The following RIPPLY1 variants were observed in gnomAD, a reference collection of about 807,000 sequenced individuals.
RIPPLY1 encodes ripply transcriptional repressor 1.
A neutral mutation model predicts 8.7 loss-of-function variants in RIPPLY1; 10 were observed. That is an observed-to-expected ratio of 1.15 (90% CI 0.71 to 1.94). RIPPLY1 has a LOEUF of 1.94. RIPPLY1 is among the 30% of genes most tolerant of loss of function. RIPPLY1 has a pLI of 0.00. For missense variants in RIPPLY1, 118 were observed against 108.7 expected (o/e 1.09, Z -0.38); for synonymous variants, 54 against 44.8 (o/e 1.20, Z -0.82).
chrX:106,901,594 C>T, intron 2 of RIPPLY1, 56 bp from the exon 3 acceptor site: 1 of 1,115,861 alleles, frequency 9.0e-7, no homozygotes, highest in East Asian at 3.0e-5. Context: ...ATAACTTCCT[C>T]CTCTGTACTA....
rs745389241 is a variant in RIPPLY1 at position 106,901,455 on chromosome X, C to T, written c.296+19G>A. The T allele has an allele frequency of 3.3e-6, 4 of 1,205,373 alleles. No individual in the cohort carries two copies. In the East Asian group the frequency reaches 1.2e-4, roughly 36 times the overall value. ...TAATGGATCTATGTCAAGTTTGGAG[C>T]TTCATGCCAGAAGCTTACCTGACAG... On this transcript the variant is annotated intron_variant, in intron 3 of 3. Transcript: ENST00000276173.
chrX:106,901,565 G>A (rs1933095134), intron 2 of RIPPLY1, 27 bp from the exon 3 acceptor site: 4 of 1,199,324 alleles, frequency 3.3e-6, no homozygotes, highest in South Asian at 1.8e-5. Flanking sequence ...CTAGCATGTG[G>A]CTCAAAGTAC....
Position 106,900,912 on chromosome X carries a change from T to C in RIPPLY1, c.297-4A>G. 2 of 1,207,263 alleles carry C rather than the reference T, an allele frequency of 1.7e-6. No homozygotes were observed. Among genetic ancestry groups the C allele is most frequent in the South Asian group, 3.6e-5 (2 of 55,873 alleles). On this transcript the variant is annotated splice_region_variant and splice_polypyrimidine_tract_variant and intron_variant, in intron 3 of 3. Transcript: ENST00000276173. ...GCGGGATTTAGGCCAGAAGAGCCTG[T>C]GGACAGAGAAGAAACATGGCCCCTA...
Position 106,902,197 on chromosome X carries a change from C to A in RIPPLY1, c.174G>T (p.Arg58Ser). Residue 58 changes from arginine to serine, a missense_variant, in exon 2 of 4, where the codon AGG (arginine) becomes AGT (serine). By Grantham distance (110) the Arg-to-Ser change is moderately radical (BLOSUM62 -1). Coordinates refer to ENST00000276173, the MANE Select transcript of RIPPLY1 (RefSeq NM_138382.3). Reference sequence around the variant, plus strand: ...AGTCATTTGTGGAAGACAGCCAGGGCCTCCAGAGACAAGTTCCTCTGGGAC... The same window carrying A: ...AGTCATTTGTGGAAGACAGCCAGGGACTCCAGAGACAAGTTCCTCTGGGAC... ...NGSERGTCLW[R>S]PWLSSTNDSP... is the part of the protein sequence containing the mutation. 1.7e-6 allele frequency: 2 copies of A among 1,184,480 alleles called. No individual in the cohort carries two copies. Among genetic ancestry groups the A allele is most frequent in the Non-Finnish European group, 2.3e-6 (2 of 880,980 alleles).
intron 2 of RIPPLY1, 71 bp downstream of exon 2, chrX:106,902,069 T>C (rs1482199805): frequency 1.1e-6 from 1 of 930,150 alleles, no homozygotes; most frequent in East Asian, 3.4e-5. Flanking sequence ...AGGGGCTCTC[T>C]GGGAAGTGAC....
intron 1 of RIPPLY1, among the ~76,000 whole-genome samples, 161 bp downstream of exon 1, chrX:106,902,972 G>T (rs1209224040): frequency 8.9e-6 from 1 of 112,557 alleles, no homozygotes; most frequent in African/African-American, 3.2e-5. Flanking sequence ...GAGGTGAAAA[G>T]TCAGATGAGA....
chrX:106,901,996 G>T, intron 2 of RIPPLY1, 144 bp downstream of exon 2: 1 of 481,870 alleles, frequency 2.1e-6, no homozygotes, highest in Non-Finnish European at 3.6e-6. Flanking sequence ...GCTCTCTGTT[G>T]GAATCAAATG....
chrX:106,902,201 C>G lies in RIPPLY1; in HGVS notation c.170G>C (p.Trp57Ser). 5.9e-6 allele frequency: 7 copies of G among 1,183,216 alleles called. No individual in the cohort carries two copies. Among genetic ancestry groups the G allele is most frequent in the Non-Finnish European group, 8.0e-6 (7 of 880,245 alleles). The change falls in exon 2 of 4, where the codon TGG becomes TCG. Residue 57 changes from tryptophan (W) to serine (S), a missense_variant. Transcript: ENST00000276173. ...VNGSERGTCL[W>S]RPWLSSTNDS... ...ATTTGTGGAAGACAGCCAGGGCCTCCAGAGACAAGTTCCTCTGGGACAAAG... is the reference window on the plus strand; with the variant it reads ...ATTTGTGGAAGACAGCCAGGGCCTCGAGAGACAAGTTCCTCTGGGACAAAG...
chrX:106,901,379 C>G, intron 3 of RIPPLY1, 95 bp downstream of exon 3: 1 of 848,648 alleles, frequency 1.2e-6, no homozygotes, highest in Admixed American at 2.3e-5. Flanking sequence ...TCATAGATAG[C>G]AATTCCTCCC....
At position 106,900,854 on chromosome X, in the gene RIPPLY1, A is replaced by C; in HGVS notation, c.351T>G (p.Ile117Met). Reference sequence around the variant, plus strand: ...CCTGGACAGGAAAGTTCTGCAGTAAAATCTCCCCAGCACTGTACAGATAGT... The same window carrying C: ...CCTGGACAGGAAAGTTCTGCAGTAACATCTCCCCAGCACTGTACAGATAGT... ...SFDYLYSAGE[I>M]LLQNFPVQAT... The change falls in exon 4 of 4, where the codon ATT (isoleucine) becomes ATG (methionine). Residue 117 changes from isoleucine (I) to methionine (M), a missense_variant. Transcript: ENST00000276173. The C allele has an allele frequency of 5.8e-6, 7 of 1,211,243 alleles. No individual in the cohort carries two copies. Among genetic ancestry groups the C allele is most frequent in the Non-Finnish European group, 7.8e-6 (7 of 895,309 alleles).
In RIPPLY1 at chrX:106,902,213, C is replaced by A; in HGVS notation, c.158G>T (p.Gly53Val). ...CAGCCAGGGCCTCCAGAGACAAGTT[C>A]CTCTGGGACAAAGAGGAGAGATCAA... is the stretch of plus-strand genomic sequence containing the variant. ...SGQEVNGSER[G>V]TCLWRPWLSS... The change falls in exon 2 of 4, where the codon GGA becomes GTA. Residue 53 changes from glycine to valine, a missense_variant and splice_region_variant. Transcript: ENST00000276173. 3.4e-6 allele frequency: 4 copies of A among 1,174,489 alleles called. No homozygotes were observed. Among genetic ancestry groups the A allele is most frequent in the Non-Finnish European group, 4.6e-6 (4 of 874,067 alleles).
chrX:106,902,305 C>G (rs1933113854), intron 1 of RIPPLY1, 90 bp from the exon 2 acceptor site: 1 of 731,887 alleles, frequency 1.4e-6, no homozygotes, highest in African/African-American at 2.1e-5. Flanking sequence ...AAGCTTGGCT[C>G]AGGTGCCATC....
chrX:106,901,221 C>T (rs1933088269), intron 3 of RIPPLY1, among the ~76,000 whole-genome samples: 1 of 112,124 alleles, frequency 8.9e-6, no homozygotes, highest in Non-Finnish European at 1.9e-5. Flanking sequence ...AGCCCTATGG[C>T]CCCATCTCCT....
chrX:106,900,934 C>T (rs1933083225), intron 3 of RIPPLY1, 26 bp from the exon 4 acceptor site: 2 of 1,200,421 alleles, frequency 1.7e-6, no homozygotes, highest in Non-Finnish European at 2.2e-6. Context: ...AAACATGGCC[C>T]CTAACAGGTG....
chrX:106,902,092 A>T, intron 2 of RIPPLY1, 48 bp downstream of exon 2: 1 of 1,064,567 alleles, frequency 9.4e-7, no homozygotes, highest in East Asian at 3.2e-5. Flanking sequence ...GGTCACTGTT[A>T]ATGCATGTGG....
At position 106,900,243 on chromosome X, in the gene RIPPLY1, T is replaced by A. The variant is rs1411602720; in HGVS notation, c.*506A>T. On this transcript the variant is annotated 3_prime_UTR_variant, in exon 4 of 4. Transcript: ENST00000276173. Reference sequence around the variant, plus strand: ...AAAAGGCACCCCAACCTTGCATGGATCTGCTGTTGGTATTCCTTGGGGTGA... The same window carrying A: ...AAAAGGCACCCCAACCTTGCATGGAACTGCTGTTGGTATTCCTTGGGGTGA... The A allele has an allele frequency of 8.8e-6, 1 of 113,218 alleles. No homozygotes were observed. The highest frequency in any genetic ancestry group is 3.2e-5 in the African/African-American group (1 of 30,780). 9.3% of individuals were successfully genotyped at this position (113,218 alleles called of 1,213,427 possible). A position where few individuals can be genotyped will look rare whatever the true frequency, so the allele number is the denominator to read the frequency against.
chrX:106,900,613 C>T lies in RIPPLY1; in HGVS notation c.*136G>A. On this transcript the variant is annotated 3_prime_UTR_variant, in exon 4 of 4. Transcript: ENST00000276173. ...CTGATGTCTGTGAAAACTTGCCAGA[C>T]AAACTGAACCCCAATCAGACTCTGG... 1 of 1,032,249 alleles carries T rather than the reference C, an allele frequency of 9.7e-7. No homozygotes were observed. The highest frequency in any genetic ancestry group is 1.3e-6 in the Non-Finnish European group (1 of 792,092). The allele number at this position is 1,032,249 out of a possible 1,213,427, so 85.1% of individuals were successfully genotyped here. A position where few individuals can be genotyped will look rare whatever the true frequency, so the allele number is the denominator to read the frequency against.
rs1315865779 is a variant in RIPPLY1, at chrX:106,900,798, C to T, written c.407G>A (p.Ser136Asn). 3.3e-6 allele frequency: 4 copies of T among 1,211,439 alleles called. No individual in the cohort carries two copies. Among genetic ancestry groups the T allele is most frequent in the East Asian group, 5.9e-5 (2 of 33,833 alleles). Reference sequence around the variant, plus strand: ...CTCTTCATCTTCCTCTTCTTCTTCGCTGTCTGAGTCCTCGTATAGGTTGAT... The same window carrying T: ...CTCTTCATCTTCCTCTTCTTCTTCGTTGTCTGAGTCCTCGTATAGGTTGAT... ...ATINLYEDSD[S>N]EEEEEDEEQE... The change falls in exon 4 of 4, where the codon AGC becomes AAC. Residue 136 changes from serine (S) to asparagine (N), a missense_variant. Transcript: ENST00000276173.
rs1569284816 is a variant in RIPPLY1 at position 106,901,520 on chromosome X, C to T, written c.250G>A (p.Ala84Thr). The T allele has an allele frequency of 8.3e-7, 1 of 1,211,466 alleles. No individual in the cohort carries two copies. The highest frequency in any genetic ancestry group is 1.1e-6 in the Non-Finnish European group (1 of 895,272). The change falls in exon 3 of 4, where the codon GCT becomes ACT. Residue 84 changes from alanine (A) to threonine (T), a missense_variant. Transcript: ENST00000276173. ...LVDLAAGGAT[A>T]AEVTKAESKF... Reference sequence around the variant, plus strand: ...GATTCAGCCTTGGTGACCTCAGCAGCCGTTGCCCCACCAGCAGCCTGTCCA... The same window carrying T: ...GATTCAGCCTTGGTGACCTCAGCAGTCGTTGCCCCACCAGCAGCCTGTCCA...
Sources: gnomAD v4.1 joint callset for allele counts (sites outside exome capture counted in the v4.1 genomes callset) on GRCh38, gnomAD v4.1.1 for gene constraint, MANE v1.5 for transcripts, NCBI Gene and HGNC (gene_info 2026-07-23, HGNC 2026-07-21) for gene names.